ABCC1: variants seen among roughly 807,000 people sequenced by gnomAD.
ABCC1 encodes the protein multidrug resistance-associated protein 1.
ABCC1 carries 83 observed loss-of-function variants against 172.9 expected under a neutral mutation model. The ratio of observed to expected loss-of-function variants is 0.48; its 90% CI spans 0.40 to 0.58. ABCC1 has a LOEUF of 0.58. Ranked by LOEUF, ABCC1 falls within the 20% of genes least tolerant of loss-of-function variation. The probability of loss-of-function intolerance (pLI) is 0.00; values close to 1 mark genes in which losing one functional copy is unlikely to be tolerated. For missense variants in ABCC1, 1,817 were observed against 2,002.7 expected (o/e 0.91, Z 1.77); for synonymous variants, 937 against 825.2 (o/e 1.14, Z -2.32).
chr16:15,999,485 G>T (rs1355038862), intron 1 of ABCC1, among the ~76,000 whole-genome samples: 2 of 151,812 alleles, frequency 1.3e-5, no homozygotes, highest in East Asian at 4.0e-4. Context: ...CGTGGTGGCA[G>T]GCGCCTATAG....
intron 1 of ABCC1, among the ~76,000 whole-genome samples, chr16:15,969,461 T>C (rs9932097): frequency 0.052 from 7,883 of 151,514 alleles, 686 homozygotes; most frequent in African/African-American, 0.18. Context: ...CAACCTCCTT[T>C]GCCAGGGTTC....
chr16:16,118,779 C>T (rs772820318), intron 23 of ABCC1, among the ~76,000 whole-genome samples: 4 of 149,614 alleles, frequency 2.7e-5, no homozygotes, highest in Non-Finnish European at 5.9e-5. Flanking sequence ...ATGAAAACAT[C>T]GTCTTTTTAA....
chr16:16,036,425 C>G, intron 6 of ABCC1, 47 bp from the exon 7 acceptor site: 1 of 1,577,848 alleles, frequency 6.3e-7, no homozygotes, highest in Non-Finnish European at 8.6e-7. Flanking sequence ...TCCCCCTCCT[C>G]CTGTCATTGA....
In ABCC1 at chr16:15,999,611, G is replaced by A. The variant is rs181934012; in HGVS notation, c.49-8205G>A. On this transcript the variant is annotated intron_variant, in intron 1 of 30. Coordinates refer to ENST00000399410, the MANE Select transcript of ABCC1 (RefSeq NM_004996.4). ...GCCTGGGCAACAAGAGTGAAACTCC[G>A]TCTCAAAAGAAAAAAAAAATAGAAA... 3.4e-3 allele frequency among the ~76,000 whole-genome samples: 506 copies of A among 148,744 alleles called. 6 individuals are homozygous for A. The highest frequency in any genetic ancestry group is 2.5e-3 in the Non-Finnish European group (166 of 67,238).
intron 21 of ABCC1, 85 bp from the exon 22 acceptor site, chr16:16,111,290 C>A: frequency 1.8e-6 from 2 of 1,138,260 alleles, no homozygotes; most frequent in Non-Finnish European, 1.3e-6. Flanking sequence ...TGGCACAGTG[C>A]TGGTGAAGCC....
At chr16:15,971,003 G>A (rs2046356722) in intron 1 of ABCC1, among the ~76,000 whole-genome samples, 1 of 152,120 alleles carries the variant, frequency 6.6e-6, no homozygotes, top group East Asian at 1.9e-4. Flanking sequence ...TTTGGTAAGA[G>A]TTTGTTTGTT....
intron 9 of ABCC1, among the ~76,000 whole-genome samples, chr16:16,047,430 C>G (rs1394624946): frequency 2.0e-5 from 3 of 152,102 alleles, no homozygotes; most frequent in Non-Finnish European, 4.4e-5. Flanking sequence ...TAGCTGGGCC[C>G]AGAGGCATGC....
intron 7 of ABCC1, among the ~76,000 whole-genome samples, chr16:16,043,221 T>C (rs577514355): frequency 5.8e-4 from 71 of 122,088 alleles, no homozygotes; most frequent in African/African-American, 2.4e-3. Context: ...CTGGCTGGAC[T>C]GTTTTTTTTT....
chr16:16,044,737 C>T, intron 8 of ABCC1, 57 bp downstream of exon 8: 1 of 1,477,322 alleles, frequency 6.8e-7, no homozygotes, highest in Non-Finnish European at 9.5e-7. Flanking sequence ...TTTGATCTTT[C>T]AGTTGCATCA....
At chr16:16,060,919 C>T (rs915104983) in intron 12 of ABCC1, among the ~76,000 whole-genome samples, 5 of 152,090 alleles carry the variant, frequency 3.3e-5, no homozygotes, top group African/African-American at 7.2e-5. Context: ...TGGGTTCAAG[C>T]GATTCTCCTG....
intron 1 of ABCC1, among the ~76,000 whole-genome samples, chr16:15,968,067 C>T (rs536971068): frequency 6.6e-6 from 1 of 152,134 alleles, no homozygotes; most frequent in African/African-American, 2.4e-5. Flanking sequence ...GAGTCTTGCT[C>T]CATTGCCCAG....
At chr16:16,015,640 C>T (rs1269610844) in intron 4 of ABCC1, among the ~76,000 whole-genome samples, 1 of 152,232 alleles carries the variant, frequency 6.6e-6, no homozygotes, top group Non-Finnish European at 1.5e-5. Flanking sequence ...CACGAATAAT[C>T]TTCCTGACCT....
In ABCC1 at chr16:16,014,482, TCTC is replaced by T. The variant is rs780673386; in HGVS notation, c.352-5_352-3del. The T allele has an allele frequency of 6.2e-7, 1 of 1,612,984 alleles. No homozygotes were observed. The highest frequency in any genetic ancestry group is 8.5e-7 in the Non-Finnish European group (1 of 1,179,590). On this transcript the variant is annotated splice_region_variant and splice_polypyrimidine_tract_variant and intron_variant, in intron 3 of 30. Transcript: ENST00000399410. ...CCCAACAACTCCTGTCTTGTGCTTC[TCTC>T]CTCAGCTGCTTGCTACCTTTTTAAT...
chr16:16,080,788 C>T (rs1254130496), intron 16 of ABCC1, among the ~76,000 whole-genome samples: 6 of 152,132 alleles, frequency 3.9e-5, no homozygotes, highest in South Asian at 4.1e-4. Context: ...TGTACTTGTC[C>T]GCACCTCTTT....
chr16:16,101,701 A>G (rs370701937), intron 19 of ABCC1, among the ~76,000 whole-genome samples: 2 of 152,178 alleles, frequency 1.3e-5, no homozygotes, highest in East Asian at 3.9e-4. Flanking sequence ...GAGTGGGGGC[A>G]GTAGTCATCA....
chr16:16,091,695 G>A (rs780640805), intron 19 of ABCC1, among the ~76,000 whole-genome samples: 2 of 152,206 alleles, frequency 1.3e-5, no homozygotes, highest in African/African-American at 4.8e-5. Context: ...GTGCCAGGAC[G>A]TGGGGGGCAG....
chr16:16,126,412 G>T (rs2045437621), intron 26 of ABCC1, among the ~76,000 whole-genome samples: 1 of 152,114 alleles, frequency 6.6e-6, no homozygotes, highest in Admixed American at 6.6e-5. Flanking sequence ...GTGTGATGGA[G>T]TCTCACTGTC....
intron 27 of ABCC1, among the ~76,000 whole-genome samples, chr16:16,133,208 T>C (rs1029830760): frequency 6.6e-6 from 1 of 152,252 alleles, no homozygotes. Context: ...CTGACAGTCT[T>C]CCTGGCCATT....
In ABCC1 at chr16:16,142,669, A is replaced by G. The variant is rs1443389984; in HGVS notation, c.*1388A>G. On this transcript the variant is annotated 3_prime_UTR_variant, in exon 31 of 31. Transcript: ENST00000399410. ...CAAAACTTGAACTTCTTGGGAATAG[A>G]AGTGTTGGGCTGAGAAGTAACATTC... is the stretch of plus-strand genomic sequence containing the variant. 1 of 151,838 alleles carries G rather than the reference A, an allele frequency of 6.6e-6. No individual in the cohort carries two copies. The highest frequency in any genetic ancestry group is 1.5e-5 in the Non-Finnish European group (1 of 67,982). 9.4% of individuals were successfully genotyped at this position (151,838 alleles called of 1,614,324 possible).
Sources: gnomAD v4.1 joint callset for allele counts (sites outside exome capture counted in the v4.1 genomes callset) on GRCh38, gnomAD v4.1.1 for gene constraint, MANE v1.5 for transcripts, NCBI Gene and HGNC (gene_info 2026-07-23, HGNC 2026-07-21) for gene names.